WIPI1: variants seen among roughly 807,000 people sequenced by gnomAD.
WIPI1 encodes the protein WD repeat domain phosphoinositide-interacting protein 1.
Under a neutral mutation model 55.3 loss-of-function variants are expected in WIPI1, and 45 were observed. That is an observed-to-expected ratio of 0.81 (90% CI 0.64 to 1.04). The LOEUF is 1.04. WIPI1 is among the 50% of genes least tolerant of loss of function. WIPI1 has a pLI of 0.00. For missense variants in WIPI1, 445 were observed against 559.0 expected (o/e 0.80, Z 2.06); for synonymous variants, 195 against 217.6 (o/e 0.90, Z 0.92).
intron 3 of WIPI1, among the ~76,000 whole-genome samples, chr17:68,450,381 C>G (rs1460798181): frequency 6.6e-6 from 1 of 152,166 alleles, no homozygotes; most frequent in African/African-American, 2.4e-5. Context: ...CCAGAAGAGT[C>G]GCTCCTCTGA....
chr17:68,436,853 G>A (rs1481178237), intron 4 of WIPI1, among the ~76,000 whole-genome samples: 1 of 152,084 alleles, frequency 6.6e-6, no homozygotes, highest in African/African-American at 2.4e-5. Flanking sequence ...AAATAGCTGG[G>A]CATGGTGGTG....
At chr17:68,447,968 G>A (rs948197765) in intron 3 of WIPI1, among the ~76,000 whole-genome samples, 1 of 122,458 alleles carries the variant, frequency 8.2e-6, no homozygotes, top group Admixed American at 9.9e-5. Context: ...CTGGGCAACA[G>A]AGTGAGACTC....
intron 11 of WIPI1, 35 bp downstream of exon 11, chr17:68,427,100 G>A: frequency 1.3e-6 from 2 of 1,552,328 alleles, no homozygotes; most frequent in Non-Finnish European, 1.8e-6. Context: ...GGTCACTGTT[G>A]GAGATGCTCC....
chr17:68,441,416 A>G (rs1478194828), intron 4 of WIPI1, among the ~76,000 whole-genome samples: 1 of 152,246 alleles, frequency 6.6e-6, no homozygotes, highest in Non-Finnish European at 1.5e-5. Flanking sequence ...CAATTAGACG[A>G]GTGATTGTGT....
Position 68,450,983 on chromosome 17 carries a change from G to A in WIPI1, c.164-86C>T, listed in dbSNP as rs149674121. On this transcript the variant is annotated intron_variant, in intron 2 of 12. Coordinates refer to ENST00000262139, the MANE Select transcript of WIPI1 (RefSeq NM_017983.7). ...CTCCATGACACTGGGCCCGGCGCAG[G>A]CCAGGTTCCAAAGGTTCTCCGGGTC... 19 of 1,503,518 alleles carry A rather than the reference G, an allele frequency of 1.3e-5. No homozygotes were observed. In the East Asian group the frequency reaches 4.3e-4, roughly 34 times the overall value. 93.1% of individuals were successfully genotyped at this position (1,503,518 alleles called of 1,614,324 possible). A position where few individuals can be genotyped will look rare whatever the true frequency, so the allele number is the denominator to read the frequency against.
At chr17:68,428,623 TG>T (rs1234376784) in intron 10 of WIPI1, 1 of 530,492 alleles carries the variant, frequency 1.9e-6, no homozygotes, top group Non-Finnish European at 3.4e-6. Context: ...TTATTAATCC[TG>T]GCACTTTTCC....
Position 68,457,431 on chromosome 17 carries a change from G to C in WIPI1, c.-10C>G. On this transcript the variant is annotated 5_prime_UTR_variant, in exon 1 of 13. Coordinates refer to ENST00000262139, the MANE Select transcript of WIPI1 (RefSeq NM_017983.7). ...CGGCCTCGGCCTCCATCGGGGGCTC[G>C]GCCCGGGAAGCCGCAGCTCGGAGCC... 2 of 1,495,384 alleles carry C rather than the reference G, an allele frequency of 1.3e-6. No homozygotes were observed. Among genetic ancestry groups the C allele is most frequent in the Non-Finnish European group, 1.8e-6 (2 of 1,122,818 alleles). The allele number at this position is 1,495,384 out of a possible 1,614,324, so 92.6% of individuals were successfully genotyped here. A position where few individuals can be genotyped will look rare whatever the true frequency, so the allele number is the denominator to read the frequency against.
rs1271447406 is a variant in WIPI1 at position 68,450,765 on chromosome 17, T to C, written c.296A>G (p.Tyr99Cys). 2 of 1,613,180 alleles carry C rather than the reference T, an allele frequency of 1.2e-6. No individual in the cohort carries two copies. Among genetic ancestry groups the C allele is most frequent in the South Asian group, 1.1e-5 (1 of 90,980 alleles). ...CCTTATGGACAAGATGTTGCTGGAG[T>C]AGCTGTAATTACAGATCTCTGTGCC... is the stretch of plus-strand genomic sequence containing the variant. The part of the protein sequence containing the change: ...KKGTEICNYS[Y>C]SSNILSIRLN... Residue 99 changes from tyrosine (Y) to cysteine (C), a missense_variant, in exon 3 of 13, where the codon TAC becomes TGC. Tyr to Cys is a radical substitution (Grantham distance 194). Coordinates refer to ENST00000262139, the MANE Select transcript of WIPI1 (RefSeq NM_017983.7).
At chr17:68,426,337 C>T (rs2083193799) in intron 11 of WIPI1, among the ~76,000 whole-genome samples, 162 bp from the exon 12 acceptor site, 1 of 152,108 alleles carries the variant, frequency 6.6e-6, no homozygotes, top group South Asian at 2.1e-4. Flanking sequence ...ATAATCCTCA[C>T]CATCTGCCAT....
intron 12 of WIPI1, among the ~76,000 whole-genome samples, chr17:68,425,020 A>G (rs72841873): frequency 0.04 from 6,160 of 152,344 alleles, 246 homozygotes; most frequent in South Asian, 0.19. Flanking sequence ...AGGAAGCCCC[A>G]GCAGGCTCTC....
At chr17:68,437,439 C>G (rs2083864856) in intron 4 of WIPI1, among the ~76,000 whole-genome samples, 1 of 151,910 alleles carries the variant, frequency 6.6e-6, no homozygotes, top group African/African-American at 2.4e-5. Flanking sequence ...CCTGTAGTCC[C>G]AGCTACTCGG....
At position 68,436,292 on chromosome 17, in the gene WIPI1, C is replaced by T. The variant is rs77633799; in HGVS notation, c.528+90G>A. ...ATTGCTTACTCCCACCGCCTCCAGCCCCCGACGGCAGGGCGTCCTTATCTA... is the reference window on the plus strand; with the variant it reads ...ATTGCTTACTCCCACCGCCTCCAGCTCCCGACGGCAGGGCGTCCTTATCTA... On this transcript the variant is annotated intron_variant, in intron 5 of 12. Transcript: ENST00000262139. 1.9e-3 allele frequency: 2,217 copies of T among 1,187,992 alleles called. 39 individuals carry two copies. The African/African-American group carries it at 0.028, about 15-fold the overall frequency. The allele number at this position is 1,187,992 out of a possible 1,614,324, so 73.6% of individuals were successfully genotyped here. A position where few individuals can be genotyped will look rare whatever the true frequency, so the allele number is the denominator to read the frequency against.
intron 8 of WIPI1, among the ~76,000 whole-genome samples, chr17:68,430,626 T>C (rs2147820568): frequency 6.6e-6 from 1 of 152,200 alleles, no homozygotes; most frequent in East Asian, 1.9e-4. Flanking sequence ...CTTTGGGTGG[T>C]GTTTGATTGT....
intron 11 of WIPI1, 79 bp from the exon 12 acceptor site, chr17:68,426,254 G>GGGCCCCCCCCCCCCCCCC: frequency 6.1e-6 from 5 of 816,898 alleles, no homozygotes; most frequent in Non-Finnish European, 7.8e-6. Context: ...GGGAGCGGGG[G>GGGCCCCCCCCCCCCCCCC]CTCAAATAAA....
Position 68,421,444 on chromosome 17 carries a change from T to C in WIPI1, c.*329A>G. On this transcript the variant is annotated 3_prime_UTR_variant, in exon 13 of 13. Coordinates refer to ENST00000262139, the MANE Select transcript of WIPI1 (RefSeq NM_017983.7). ...TCAAAGAGATGTTCCTATAAGTACA[T>C]TTTTTACACGGCATATATTTAAAAA... The C allele has an allele frequency of 3.1e-6, 1 of 319,104 alleles. No individual in the cohort carries two copies. Among genetic ancestry groups the C allele is most frequent in the Middle Eastern group, 9.9e-4 (1 of 1,008 alleles). The allele number at this position is 319,104 out of a possible 1,614,324, so 19.8% of individuals were successfully genotyped here. A position where few individuals can be genotyped will look rare whatever the true frequency, so the allele number is the denominator to read the frequency against.
chr17:68,425,535 G>T (rs1361835167), intron 12 of WIPI1, among the ~76,000 whole-genome samples: 1 of 151,940 alleles, frequency 6.6e-6, no homozygotes, highest in African/African-American at 2.4e-5. Context: ...GTTTCTTAAT[G>T]AGTGTCTGCA....
intron 11 of WIPI1, among the ~76,000 whole-genome samples, chr17:68,426,557 G>C: frequency 6.6e-6 from 1 of 152,206 alleles, no homozygotes; most frequent in East Asian, 1.9e-4. Context: ...TTTTGAAACA[G>C]AGTCTCACTC....
chr17:68,436,172 G>A (rs1274216034), intron 5 of WIPI1, among the ~76,000 whole-genome samples: 1 of 152,222 alleles, frequency 6.6e-6, no homozygotes. Context: ...TGCTGCAGAT[G>A]TCTAACTTGG....
At chr17:68,450,940 T>C (rs767753847) in intron 2 of WIPI1, 43 bp from the exon 3 acceptor site, 2 of 1,578,128 alleles carry the variant, frequency 1.3e-6, no homozygotes, top group Non-Finnish European at 1.7e-6. Flanking sequence ...ATTGATCACT[T>C]CCAAGAAGGA....
Sources: allele counts gnomAD v4.1 joint callset (sites outside exome capture counted in the v4.1 genomes callset), GRCh38; gene constraint gnomAD v4.1.1; transcripts MANE v1.5; gene names NCBI Gene and HGNC (gene_info 2026-07-23, HGNC 2026-07-21).